NRXN3: variants seen among roughly 807,000 people sequenced by gnomAD.
NRXN3 encodes the protein neurexin 3, also known as neurexin III.
A neutral mutation model predicts 137.6 loss-of-function variants in NRXN3; 32 were observed. That is an observed-to-expected ratio of 0.23 (90% CI 0.18 to 0.31). The LOEUF is 0.31. NRXN3 is among the 10% of genes least tolerant of loss of function. The pLI is 1.00. For missense variants in NRXN3, 1,574 were observed against 2,062.5 expected (o/e 0.76, Z 4.59); for synonymous variants, 798 against 784.5 (o/e 1.02, Z -0.29).
intron 15 of NRXN3, among the ~76,000 whole-genome samples, chr14:79,127,326 T>G (rs1327866940): frequency 1.3e-5 from 2 of 152,290 alleles, no homozygotes; most frequent in Non-Finnish European, 2.9e-5. Flanking sequence ...GTTTAAGTCT[T>G]TAATCCATCT....
intron 10 of NRXN3, among the ~76,000 whole-genome samples, chr14:78,829,160 C>A (rs2098975060): frequency 6.6e-6 from 1 of 152,050 alleles, no homozygotes; most frequent in Non-Finnish European, 1.5e-5. Flanking sequence ...TTGAACTGTC[C>A]CCATTAAACT....
intron 4 of NRXN3, among the ~76,000 whole-genome samples, chr14:78,412,377 A>G (rs1266231313): frequency 6.6e-6 from 1 of 152,164 alleles, no homozygotes; most frequent in Admixed American, 6.5e-5. Context: ...TGAGAGGGAA[A>G]TAACTTGTGG....
At chr14:79,396,174 C>T (rs2095020190) in intron 15 of NRXN3, among the ~76,000 whole-genome samples, 1 of 151,812 alleles carries the variant, frequency 6.6e-6, no homozygotes, top group Non-Finnish European at 1.5e-5. Flanking sequence ...TCACCATAAA[C>T]TGAAATGAGT....
At chr14:79,735,443 A>G (rs1441633411) in intron 19 of NRXN3, among the ~76,000 whole-genome samples, 1 of 152,202 alleles carries the variant, frequency 6.6e-6, no homozygotes, top group African/African-American at 2.4e-5. Flanking sequence ...TAAAGCTGCA[A>G]ACTTCCCGGG....
At chr14:78,391,391 A>C (rs2090754331) in intron 4 of NRXN3, among the ~76,000 whole-genome samples, 1 of 152,098 alleles carries the variant, frequency 6.6e-6, no homozygotes, top group African/African-American at 2.4e-5. Flanking sequence ...AGGTGTGGCT[A>C]TGTGCTCATG....
intron 4 of NRXN3, among the ~76,000 whole-genome samples, chr14:78,432,104 G>T (rs1164687536): frequency 1.3e-5 from 2 of 152,154 alleles, no homozygotes; most frequent in African/African-American, 4.8e-5. Flanking sequence ...TGAGTCTGAA[G>T]CTTGAAGATG....
intron 19 of NRXN3, among the ~76,000 whole-genome samples, chr14:79,787,582 C>CACTCT (rs2099133042): frequency 1.3e-5 from 2 of 152,262 alleles, no homozygotes; most frequent in Middle Eastern, 3.4e-3. Context: ...TGATAACCAC[C>CACTCT]ACTCTACTCT....
chr14:78,365,032 A>G (rs902906528), intron 4 of NRXN3, among the ~76,000 whole-genome samples: 25 of 152,314 alleles, frequency 1.6e-4, no homozygotes, highest in African/African-American at 5.5e-4. Flanking sequence ...TAGTAATGCA[A>G]TGGAACCAAC....
chr14:79,353,925 G>A (rs184429918), intron 15 of NRXN3, among the ~76,000 whole-genome samples: 1 of 152,182 alleles, frequency 6.6e-6, no homozygotes, highest in African/African-American at 2.4e-5. Context: ...TCATCAACTC[G>A]GATAAGGCAA....
At chr14:78,432,118 TAATTTGAAATAA>T (rs1310092157) in intron 4 of NRXN3, among the ~76,000 whole-genome samples, 1 of 152,114 alleles carries the variant, frequency 6.6e-6, no homozygotes, top group Admixed American at 6.6e-5. Flanking sequence ...GAAGATGGAA[TAATTTGAAATAA>T]AATGAATTTG....
At chr14:79,610,817 C>A (rs2098089588) in intron 16 of NRXN3, among the ~76,000 whole-genome samples, 1 of 152,124 alleles carries the variant, frequency 6.6e-6, no homozygotes, top group African/African-American at 2.4e-5. Flanking sequence ...AATTGTTCAC[C>A]CATTTATCAA....
intron 15 of NRXN3, among the ~76,000 whole-genome samples, chr14:79,171,395 T>A (rs183772275): frequency 2.0e-4 from 30 of 152,262 alleles, no homozygotes; most frequent in Non-Finnish European, 3.7e-4. Context: ...GTAGTTGAAA[T>A]GAGTGCCCAG....
At chr14:79,509,562 T>C (rs1364360540) in intron 16 of NRXN3, among the ~76,000 whole-genome samples, 1 of 150,982 alleles carries the variant, frequency 6.6e-6, no homozygotes, top group East Asian at 1.9e-4. Flanking sequence ...TGTGTGCATG[T>C]ATGTATATAT....
intron 15 of NRXN3, among the ~76,000 whole-genome samples, chr14:79,456,595 C>T (rs1029162080): frequency 4.6e-5 from 7 of 151,864 alleles, no homozygotes; most frequent in Admixed American, 2.0e-4. Context: ...AGCATAGTGG[C>T]GGGTGCCTGT....
intron 4 of NRXN3, among the ~76,000 whole-genome samples, chr14:78,516,370 TG>T (rs992533944): frequency 1.4e-4 from 11 of 76,044 alleles, no homozygotes; most frequent in African/African-American, 3.9e-4. Context: ...AAGAAGGAAT[TG>T]GGGCTAGGCT....
chr14:78,409,259 C>A (rs1258777901), intron 4 of NRXN3, among the ~76,000 whole-genome samples: 2 of 152,144 alleles, frequency 1.3e-5, no homozygotes, highest in Non-Finnish European at 2.9e-5. Context: ...ATTCTATGTG[C>A]TTTATGTGCT....
At chr14:78,913,755 C>T (rs931582189) in intron 10 of NRXN3, among the ~76,000 whole-genome samples, 1 of 152,026 alleles carries the variant, frequency 6.6e-6, no homozygotes, top group African/African-American at 2.4e-5. Flanking sequence ...ACTTGAAGTC[C>T]ATAAAGAGAA....
At chr14:78,722,661 G>C (rs181845184) in intron 8 of NRXN3, among the ~76,000 whole-genome samples, 16 of 152,284 alleles carry the variant, frequency 1.1e-4, no homozygotes, top group Admixed American at 7.2e-4. Context: ...CCACTCTGCA[G>C]ACTGCATATT....
chr14:78,778,026 G>A (rs2098750293), intron 8 of NRXN3, among the ~76,000 whole-genome samples: 1 of 152,118 alleles, frequency 6.6e-6, no homozygotes, highest in South Asian at 2.1e-4. Context: ...GCCTCCCAAA[G>A]TGCTGGGATT....
Sources: gnomAD v4.1 joint callset for allele counts (sites outside exome capture counted in the v4.1 genomes callset) on GRCh38, gnomAD v4.1.1 for gene constraint, MANE v1.5 for transcripts, NCBI Gene and HGNC (gene_info 2026-07-23, HGNC 2026-07-21) for gene names.